The following MTFR1 variants were observed in gnomAD, a reference collection of about 807,000 sequenced individuals.
MTFR1 encodes chondrocyte protein with a poly-proline region.
A neutral mutation model predicts 38.8 loss-of-function variants in MTFR1; 28 were observed. The observed-to-expected ratio is 0.72, with a 90% CI of 0.53 to 0.99. The LOEUF (loss-of-function observed/expected upper bound fraction) is 0.99, where lower values mean the gene tolerates loss of function less well. Among genes scored for constraint, MTFR1 ranks in the 50% least tolerant of loss-of-function variants. The pLI, the probability that MTFR1 is intolerant of heterozygous loss-of-function variation, is 0.00. For missense variants in MTFR1, 358 were observed against 395.5 expected, an observed-to-expected ratio of 0.91 and a Z score of 0.81; for synonymous variants, 145 against 137.0, an observed-to-expected ratio of 1.06 and a Z score of -0.41.
intron 1 of MTFR1, among the ~76,000 whole-genome samples, chr8:65,657,819 A>AAT (rs1809310377): frequency 1.3e-5 from 2 of 152,190 alleles, no homozygotes; most frequent in African/African-American, 4.8e-5. Context: ...GTACATATTT[A>AAT]TGGATACATT....
chr8:65,675,857 C>T (rs968555170), intron 2 of MTFR1, among the ~76,000 whole-genome samples: 6 of 152,140 alleles, frequency 3.9e-5, no homozygotes, highest in Non-Finnish European at 8.8e-5. Flanking sequence ...AAACTACATG[C>T]TCACATATCT....
intron 2 of MTFR1, among the ~76,000 whole-genome samples, chr8:65,675,535 C>T (rs1210282385): frequency 7.0e-6 from 1 of 143,536 alleles, no homozygotes; most frequent in Non-Finnish European, 1.5e-5. Context: ...GGAGGCAGAG[C>T]TTGCAGTGAG....
At chr8:65,715,996 CAAAAAAAAAA>C (rs779701295) in intron 2 of MTFR1, among the ~76,000 whole-genome samples, 8 of 33,868 alleles carry the variant, frequency 2.4e-4, no homozygotes, top group African/African-American at 9.3e-4. Context: ...GGCTCTGTCT[CAAAAAAAAAA>C]AAAAAAAAAA....
At chr8:65,739,966 C>T (rs750706941) in intron 3 of MTFR1, among the ~76,000 whole-genome samples, 37 of 152,278 alleles carry the variant, frequency 2.4e-4, no homozygotes, top group Non-Finnish European at 4.7e-4. Context: ...CCTGACATTG[C>T]CTCTGCCATC....
At chr8:65,752,812 TCTCA>T (rs1010914595) in intron 3 of MTFR1, among the ~76,000 whole-genome samples, 30 of 152,328 alleles carry the variant, frequency 2.0e-4, no homozygotes, top group African/African-American at 6.0e-4. Context: ...GTGTTTTCTA[TCTCA>T]CTTTCTCTCC....
chr8:65,754,397 T>C (rs978780778), intron 3 of MTFR1, among the ~76,000 whole-genome samples: 2 of 151,936 alleles, frequency 1.3e-5, no homozygotes, highest in African/African-American at 4.8e-5. Flanking sequence ...AACCATCATA[T>C]ACCTCCTTTC....
chr8:65,661,996 C>T (rs1467765798), intron 1 of MTFR1, among the ~76,000 whole-genome samples: 1 of 149,188 alleles, frequency 6.7e-6, no homozygotes, highest in Non-Finnish European at 1.5e-5. Context: ...GAGCAAAAGC[C>T]CTCTCCCTCT....
chr8:65,775,591 A>G (rs1158305774), downstream of MTFR1, among the ~76,000 whole-genome samples: 2 of 152,156 alleles, frequency 1.3e-5, no homozygotes, highest in African/African-American at 2.4e-5. Flanking sequence ...AATTTCTAGT[A>G]TCAGTGATCC....
At chr8:65,768,100 C>A (rs1295335441) in intron 3 of MTFR1, among the ~76,000 whole-genome samples, 1 of 152,110 alleles carries the variant, frequency 6.6e-6, no homozygotes, top group Non-Finnish European at 1.5e-5. Flanking sequence ...TGGGAGAAAC[C>A]CCTCCACACA....
chr8:65,741,052 C>T (rs1043140854), intron 3 of MTFR1, among the ~76,000 whole-genome samples: 3 of 152,176 alleles, frequency 2.0e-5, no homozygotes, highest in African/African-American at 4.8e-5. Context: ...GGAAAAACTA[C>T]CATTTTTATG....
intron 1 of MTFR1, among the ~76,000 whole-genome samples, chr8:65,665,725 G>A (rs1804362100): frequency 6.6e-6 from 1 of 152,178 alleles, no homozygotes; most frequent in Non-Finnish European, 1.5e-5. Context: ...CTGAGCTCAA[G>A]GGACCCTCCT....
Position 65,693,773 on chromosome 8 carries a change from G to C in MTFR1, c.281+14G>C, listed in dbSNP as rs745865329. ...AGCAAGACTAAGGTTAGTTTGGAAGGCTATCAGAACTGAGATGCAATATCT... is the reference window on the plus strand; with the variant it reads ...AGCAAGACTAAGGTTAGTTTGGAAGCCTATCAGAACTGAGATGCAATATCT... On this transcript the variant is annotated intron_variant, in intron 4 of 7. Coordinates refer to ENST00000262146, the MANE Select transcript of MTFR1 (RefSeq NM_014637.4). 10 of 1,593,534 alleles carry C rather than the reference G, an allele frequency of 6.3e-6. No homozygotes were observed. The African/African-American group carries it at 8.0e-5, about 13-fold the overall frequency.
chr8:65,707,009 G>C lies in MTFR1; in HGVS notation c.518-1G>C, dbSNP rs1164473888. The stretch of plus-strand genomic sequence containing the variant: ...AAGTTTGTTTTCCTTTGTTTCTGTA[G>C]GTGACTTAGATTCTACCACATTTGG... On this transcript the variant is annotated splice_acceptor_variant, in intron 5 of 7. Coordinates refer to ENST00000262146, the MANE Select transcript of MTFR1 (RefSeq NM_014637.4). LOFTEE classifies it high-confidence loss of function. The C allele has an allele frequency of 6.3e-7, 1 of 1,584,440 alleles. No individual in the cohort carries two copies. Among genetic ancestry groups the C allele is most frequent in the East Asian group, 2.2e-5 (1 of 44,502 alleles).
chr8:65,732,371 A>C (rs576435914), intron 3 of MTFR1, among the ~76,000 whole-genome samples: 23 of 152,214 alleles, frequency 1.5e-4, no homozygotes, highest in African/African-American at 4.8e-4. Context: ...TAGGATGTAC[A>C]CTTCATGAAG....
At chr8:65,663,063 A>G (rs183790418) in intron 1 of MTFR1, among the ~76,000 whole-genome samples, 3,280 of 152,254 alleles carry the variant, frequency 0.022, 121 homozygotes, top group African/African-American at 0.074. Flanking sequence ...GGCCATGATG[A>G]CAATGGCGGT....
intron 1 of MTFR1, among the ~76,000 whole-genome samples, chr8:65,653,956 G>C (rs540719788): frequency 6.6e-6 from 1 of 152,036 alleles, no homozygotes; most frequent in Admixed American, 6.6e-5. Context: ...CTAGCTACTT[G>C]GGAGGCTGAA....
At chr8:65,686,874 A>G (rs1028461702) in intron 3 of MTFR1, among the ~76,000 whole-genome samples, 12 of 151,920 alleles carry the variant, frequency 7.9e-5, no homozygotes, top group South Asian at 4.2e-4. Context: ...TAATGAGCCA[A>G]GATCACACCA....
At chr8:65,768,116 T>G (rs1808888342) in intron 3 of MTFR1, among the ~76,000 whole-genome samples, 1 of 152,214 alleles carries the variant, frequency 6.6e-6, no homozygotes, top group Non-Finnish European at 1.5e-5. Context: ...ACACATTTGG[T>G]CACAGAAGTC....
intron 1 of MTFR1, among the ~76,000 whole-genome samples, chr8:65,646,605 A>C (rs1048615179): frequency 1.3e-5 from 2 of 152,208 alleles, no homozygotes. Flanking sequence ...GGCCAGATGC[A>C]TGGCTCAGCC....
Sources: gnomAD v4.1 joint callset for allele counts (sites outside exome capture counted in the v4.1 genomes callset) on GRCh38, gnomAD v4.1.1 for gene constraint, MANE v1.5 for transcripts, NCBI Gene and HGNC (gene_info 2026-07-23, HGNC 2026-07-21) for gene names.